SMARCA4: variants seen among roughly 807,000 people sequenced by gnomAD.
SMARCA4 encodes the protein SWI/SNF-related matrix-associated actin-dependent regulator of chromatin subfamily A member 4.
In SMARCA4, 31 loss-of-function variants were observed where a neutral mutation model predicts 193.9. The observed-to-expected ratio is 0.16, with a 90% CI of 0.12 to 0.22. The LOEUF (loss-of-function observed/expected upper bound fraction) is 0.22. Ranked by LOEUF, SMARCA4 falls within the 10% of genes least tolerant of loss-of-function variation. SMARCA4 has a pLI of 1.00. For missense variants in SMARCA4, 1,148 were observed against 2,296.0 expected (o/e 0.50, Z 10.22); for synonymous variants, 942 against 933.1 (o/e 1.01, Z -0.17).
chr19:11,034,277 G>A lies in SMARCA4; in HGVS notation c.3951+77G>A, dbSNP rs965198478. 9 of 1,132,192 alleles carry A rather than the reference G, an allele frequency of 7.9e-6. No homozygotes were observed. In the African/African-American group the frequency reaches 1.4e-4, roughly 17 times the overall value. 70.1% of individuals were successfully genotyped at this position (1,132,192 alleles called of 1,614,324 possible). On this transcript the variant is annotated intron_variant, in intron 28 of 34. Coordinates refer to ENST00000344626, the MANE Select transcript of SMARCA4 (RefSeq NM_003072.5). The surrounding 1 kb of genome is among the most constrained non-coding windows in gnomAD (Gnocchi z 7.0). ...CCAGGAGCAAAGCAGACGTCCTAGT[G>A]CCCATGGTGGTATCCCTAGCAGGTC...
In SMARCA4 at chr19:11,041,703, T is replaced by C. The variant is rs182009677; in HGVS notation, c.4424+143T>C. The C allele has an allele frequency of 2.8e-5, 20 of 727,228 alleles. No individual in the cohort carries two copies. In the East Asian group the frequency reaches 5.4e-4, roughly 20 times the overall value. The allele number at this position is 727,228 out of a possible 1,614,324, so 45.0% of individuals were successfully genotyped here. A position where few individuals can be genotyped will look rare whatever the true frequency, so the allele number is the denominator to read the frequency against. On this transcript the variant is annotated intron_variant, in intron 30 of 34. Coordinates refer to ENST00000344626, the MANE Select transcript of SMARCA4 (RefSeq NM_003072.5). This position sits in a 1 kb window ranked among gnomAD's most constrained non-coding sequence, Gnocchi z 5.6. The stretch of plus-strand genomic sequence containing the variant: ...AAACACTGACTGAATCTCTGTGTCT[T>C]TGAGCCTGGCCCTGAGGAACATGCT...
intron 30 of SMARCA4, among the ~76,000 whole-genome samples, chr19:11,045,470 C>T (rs1001383476): frequency 2.0e-5 from 3 of 152,318 alleles, no homozygotes; most frequent in Non-Finnish European, 4.4e-5. Flanking sequence ...GATATTCTCT[C>T]TATAGATCTG....
intron 1 of SMARCA4, among the ~76,000 whole-genome samples, chr19:10,969,150 T>C (rs2084473364): frequency 6.6e-6 from 1 of 152,206 alleles, no homozygotes; most frequent in South Asian, 2.1e-4. Context: ...CTCCCTGGCC[T>C]CCACCCTCTA....
chr19:10,995,464 C>G (rs966688329), intron 9 of SMARCA4: 1 of 457,736 alleles, frequency 2.2e-6, no homozygotes, highest in Non-Finnish European at 4.4e-6. Flanking sequence ...GGCAGATACG[C>G]GAATGAAGCA....
In SMARCA4 at chr19:11,058,503, A is replaced by T. The variant is rs2076674773; in HGVS notation, c.4533+140A>T. 2 of 734,286 alleles carry T rather than the reference A, an allele frequency of 2.7e-6. No homozygotes were observed. Among genetic ancestry groups the T allele is most frequent in the South Asian group, 3.0e-5 (2 of 67,722 alleles). 45.5% of individuals were successfully genotyped at this position (734,286 alleles called of 1,614,324 possible). On this transcript the variant is annotated intron_variant, in intron 31 of 34. Transcript: ENST00000344626. This position sits in a 1 kb window ranked among gnomAD's most constrained non-coding sequence, Gnocchi z 5.8. Reference sequence around the variant, plus strand: ...GGTGCCTTGGGCTACCTGGTTAGGGACCTGGTCGTGGGCTTTTGGGGTTCC... The same window carrying T: ...GGTGCCTTGGGCTACCTGGTTAGGGTCCTGGTCGTGGGCTTTTGGGGTTCC...
intron 30 of SMARCA4, among the ~76,000 whole-genome samples, chr19:11,047,183 G>A (rs1242702547): frequency 6.6e-6 from 1 of 152,034 alleles, no homozygotes; most frequent in Non-Finnish European, 1.5e-5. Flanking sequence ...TGTTACGCTT[G>A]CAGTTATGAT....
intron 1 of SMARCA4, among the ~76,000 whole-genome samples, chr19:10,964,611 C>T (rs1599777969): frequency 6.7e-6 from 1 of 150,336 alleles, no homozygotes; most frequent in Non-Finnish European, 1.5e-5. Flanking sequence ...AGCCACCGCG[C>T]CCGGCCTCTT....
At chr19:11,002,782 A>C (rs752348362) in intron 11 of SMARCA4, among the ~76,000 whole-genome samples, 34 of 147,340 alleles carry the variant, frequency 2.3e-4, no homozygotes, top group Non-Finnish European at 4.5e-4. Flanking sequence ...CCTGGGTGAC[A>C]GAGCGAGACT....
intron 16 of SMARCA4, among the ~76,000 whole-genome samples, chr19:11,016,873 G>A (rs1334317158): frequency 6.6e-6 from 1 of 152,082 alleles, no homozygotes; most frequent in Non-Finnish European, 1.5e-5. Context: ...GCAGGCTCAT[G>A]TAGTCTATTT....
At chr19:10,967,991 C>T (rs1322346647) in intron 1 of SMARCA4, among the ~76,000 whole-genome samples, 1 of 152,074 alleles carries the variant, frequency 6.6e-6, no homozygotes, top group African/African-American at 2.4e-5. Context: ...ATTCTCCTGC[C>T]TCAGCCTCCC....
rs924158571 is a variant in SMARCA4, at chr19:11,007,957, A to G, written c.2057A>G (p.Glu686Gly). The G allele has an allele frequency of 1.2e-6, 2 of 1,613,356 alleles. No individual in the cohort carries two copies. The highest frequency in any genetic ancestry group is 1.7e-6 in the Non-Finnish European group (2 of 1,179,506). Residue 686 changes from glutamate (E) to glycine (G), a missense_variant, in exon 14 of 35, where the codon GAG becomes GGG. Around this residue, in one of 17 missense-constraint regions of SMARCA4, gnomAD observed 115 missense variants for 175.1 expected, o/e 0.66. Coordinates refer to ENST00000344626, the MANE Select transcript of SMARCA4 (RefSeq NM_003072.5). ...AAQPPTLPVE[E>G]KKKIPDPDSD... The stretch of plus-strand genomic sequence containing the variant: ...CAGCCTCCCACCCTGCCCGTGGAGG[A>G]GAAGAAGAAGATTCCAGATCCAGAC...
At chr19:11,029,639 C>T (rs1353430889) in intron 24 of SMARCA4, among the ~76,000 whole-genome samples, 1 of 152,224 alleles carries the variant, frequency 6.6e-6, no homozygotes, top group Non-Finnish European at 1.5e-5. Flanking sequence ...CGTGCCTGGG[C>T]ATGTGTAGGC....
At chr19:11,044,887 A>AT (rs1555789440) in intron 30 of SMARCA4, among the ~76,000 whole-genome samples, 1 of 152,184 alleles carries the variant, frequency 6.6e-6, no homozygotes, top group Non-Finnish European at 1.5e-5. Context: ...CAAAACAAGA[A>AT]TCAGCCCAGT....
chr19:11,023,270 C>G (rs1463422619), intron 19 of SMARCA4, among the ~76,000 whole-genome samples: 1 of 152,220 alleles, frequency 6.6e-6, no homozygotes, highest in Non-Finnish European at 1.5e-5. Flanking sequence ...GAGCAGAGTG[C>G]TCTGGGTACT....
In SMARCA4 at chr19:11,039,486, C is replaced by T; in HGVS notation, c.4171-1821C>T. 1.2e-6 allele frequency: 2 copies of T among 1,603,270 alleles called. No homozygotes were observed. Among genetic ancestry groups the T allele is most frequent in the Non-Finnish European group, 1.7e-6 (2 of 1,175,758 alleles). On this transcript the variant is annotated intron_variant, in intron 29 of 34. Transcript: ENST00000344626. The stretch of plus-strand genomic sequence containing the variant: ...ATTACAGGAAAAGATATCCATGACA[C>T]AGCCAGCAGTGTGGCACGTGGGCTA...
chr19:10,986,934 G>C lies in SMARCA4; in HGVS notation c.790G>C (p.Gly264Arg), dbSNP rs746036083. The C allele has an allele frequency of 4.3e-6, 7 of 1,612,338 alleles. No homozygotes were observed. In the African/African-American group the frequency reaches 6.7e-5, roughly 15 times the overall value. Residue 264 changes from glycine to arginine, a missense_variant, in exon 5 of 35, where the codon GGA becomes CGA. This residue lies in a region of SMARCA4 where 257 missense variants were observed against 276.5 expected (regional missense o/e 0.93). Transcript: ENST00000344626. This position sits in a 1 kb window ranked among gnomAD's most constrained non-coding sequence, Gnocchi z 6.7. ...GMGGPNMPPP[G>R]PSGVPPGMPG... ...GGGAGGGCCCAACATGCCTCCCCCA[G>C]GACCCTCGGGCGTGCCCCCCGGGAT... is the stretch of plus-strand genomic sequence containing the variant.
chr19:11,034,840 C>G lies in SMARCA4; in HGVS notation c.3952-74C>G. ...GGGCAGAGAAAGGCCCTTCTGAACT[C>G]TCGGTGTTCTGGCTCTAGCGTGCCC... On this transcript the variant is annotated intron_variant, in intron 28 of 34. Coordinates refer to ENST00000344626, the MANE Select transcript of SMARCA4 (RefSeq NM_003072.5). This position sits in a 1 kb window ranked among gnomAD's most constrained non-coding sequence, Gnocchi z 7.0. 1 of 965,844 alleles carries G rather than the reference C, an allele frequency of 1.0e-6. No homozygotes were observed. Among genetic ancestry groups the G allele is most frequent in the South Asian group, 1.4e-5 (1 of 72,346 alleles). 59.8% of individuals were successfully genotyped at this position (965,844 alleles called of 1,614,324 possible). A position where few individuals can be genotyped will look rare whatever the true frequency, so the allele number is the denominator to read the frequency against.
At chr19:11,032,981 G>GAT in intron 25 of SMARCA4, 1 of 466,368 alleles carries the variant, frequency 2.1e-6, no homozygotes, top group Non-Finnish European at 4.0e-6. Flanking sequence ...CTGTGCCGCT[G>GAT]CCACGGGAGC....
intron 21 of SMARCA4, 68 bp from the exon 22 acceptor site, chr19:11,025,354 C>G: frequency 9.9e-7 from 1 of 1,009,310 alleles, no homozygotes; most frequent in Non-Finnish European, 1.6e-6. Flanking sequence ...AACACCCACC[C>G]ATCCACCAAG....
Sources: allele counts gnomAD v4.1 joint callset (sites outside exome capture counted in the v4.1 genomes callset), GRCh38; gene constraint gnomAD v4.1.1; regional missense constraint gnomAD v4.1.1; non-coding constraint Gnocchi (gnomAD v3.1); transcripts MANE v1.5; gene names NCBI Gene and HGNC (gene_info 2026-07-23, HGNC 2026-07-21).